NEK7: variants seen among roughly 807,000 people sequenced by gnomAD.
NEK7 encodes the protein NIMA related kinase 7.
NEK7 carries 18 observed loss-of-function variants against 44.6 expected under a neutral mutation model. The ratio of observed to expected loss-of-function variants is 0.40; its 90% CI spans 0.28 to 0.60. The LOEUF (loss-of-function observed/expected upper bound fraction) is 0.60. Among genes scored for constraint, NEK7 ranks in the 20% least tolerant of loss-of-function variants. The pLI, the probability that NEK7 is intolerant of heterozygous loss-of-function variation, is 0.38. For synonymous variants in NEK7, 130 were observed against 121.1 expected (o/e 1.07, Z -0.48); for missense variants, 256 against 366.5 (o/e 0.70, Z 2.46).
intron 9 of NEK7, among the ~76,000 whole-genome samples, chr1:198,308,488 C>T (rs1036288211): frequency 6.6e-6 from 1 of 152,168 alleles, no homozygotes; most frequent in African/African-American, 2.4e-5. Context: ...CTTCTGTTAT[C>T]CCATTTCAGA....
intron 1 of NEK7, among the ~76,000 whole-genome samples, chr1:198,182,925 T>C (rs1664810068): frequency 6.6e-6 from 1 of 152,096 alleles, no homozygotes; most frequent in African/African-American, 2.4e-5. Flanking sequence ...GAGTATACCA[T>C]AGTATAGGCC....
chr1:198,263,439 TAGAAAGA>T (rs1653546165), intron 4 of NEK7, among the ~76,000 whole-genome samples: 2 of 151,844 alleles, frequency 1.3e-5, no homozygotes, highest in Admixed American at 6.6e-5. Flanking sequence ...AAACTTTAAG[TAGAAAGA>T]AGAAAGTCAC....
chr1:198,178,465 C>A (rs975483566), intron 1 of NEK7, among the ~76,000 whole-genome samples: 1 of 151,988 alleles, frequency 6.6e-6, no homozygotes, highest in Non-Finnish European at 1.5e-5. Flanking sequence ...AGACTGTGTT[C>A]AACAGATTAC....
Position 198,274,568 on chromosome 1 carries a change from A to C in NEK7, c.373-3393A>C, listed in dbSNP as rs149781939. 1.1e-4 allele frequency among the ~76,000 whole-genome samples: 17 copies of C among 151,804 alleles called. No homozygotes were observed. In the East Asian group the frequency reaches 3.3e-3, roughly 29 times the overall value. On this transcript the variant is annotated intron_variant, in intron 5 of 9. Coordinates refer to ENST00000367385, the MANE Select transcript of NEK7 (RefSeq NM_133494.3). ...AGTAATTTTTTTGTAAAATAAGATCATTTTCTATCTTTCTCTGTTGATGAG... is the reference window on the plus strand; with the variant it reads ...AGTAATTTTTTTGTAAAATAAGATCCTTTTCTATCTTTCTCTGTTGATGAG...
At chr1:198,256,978 G>A (rs1653288598) in intron 3 of NEK7, among the ~76,000 whole-genome samples, 3 of 152,152 alleles carry the variant, frequency 2.0e-5, no homozygotes, top group Admixed American at 2.0e-4. Context: ...ACAGTAGTGT[G>A]AATTTTGGGT....
chr1:198,187,320 T>G (rs908103264), intron 1 of NEK7, among the ~76,000 whole-genome samples: 12 of 152,144 alleles, frequency 7.9e-5, no homozygotes, highest in Non-Finnish European at 1.6e-4. Flanking sequence ...GCATTGCTCC[T>G]GAGAATTTGA....
chr1:198,261,104 G>A (rs1189266217), intron 3 of NEK7, among the ~76,000 whole-genome samples: 1 of 151,820 alleles, frequency 6.6e-6, no homozygotes, highest in Admixed American at 6.6e-5. Context: ...TTTCTGACTG[G>A]CAGAATCCTA....
At chr1:198,258,129 G>A (rs950040948) in intron 3 of NEK7, among the ~76,000 whole-genome samples, 2 of 152,124 alleles carry the variant, frequency 1.3e-5, no homozygotes, top group Non-Finnish European at 2.9e-5. Flanking sequence ...GTCATCTGAA[G>A]GGTAGTGACA....
intron 8 of NEK7, 67 bp downstream of exon 8, chr1:198,293,106 AG>A: frequency 1.3e-6 from 1 of 788,386 alleles, no homozygotes; most frequent in Non-Finnish European, 2.1e-6. Context: ...CTATCCTTAT[AG>A]TATATACTTA....
intron 5 of NEK7, among the ~76,000 whole-genome samples, chr1:198,273,766 T>TAA (rs1385990910): frequency 1.3e-5 from 2 of 151,784 alleles, no homozygotes; most frequent in African/African-American, 2.4e-5. Context: ...ATATGAAGGA[T>TAA]AAGGCATACC....
chr1:198,249,066 G>A (rs1300066173), intron 2 of NEK7, among the ~76,000 whole-genome samples: 2 of 114,074 alleles, frequency 1.8e-5, no homozygotes, highest in Non-Finnish European at 1.6e-5. Context: ...ACAGTCCCCA[G>A]AGTGTGATGT....
chr1:198,233,900 G>T (rs1666474763), intron 2 of NEK7, among the ~76,000 whole-genome samples: 1 of 151,740 alleles, frequency 6.6e-6, no homozygotes, highest in South Asian at 2.1e-4. Context: ...TCTAAATCCT[G>T]CCCATCCTTT....
intron 1 of NEK7, among the ~76,000 whole-genome samples, chr1:198,202,454 A>G (rs1665460145): frequency 1.3e-5 from 2 of 152,210 alleles, no homozygotes; most frequent in South Asian, 4.1e-4. Flanking sequence ...TGCTGTATGC[A>G]CAGCCTCTCA....
intron 1 of NEK7, among the ~76,000 whole-genome samples, chr1:198,219,065 C>T (rs1463542763): frequency 6.6e-6 from 1 of 151,608 alleles, no homozygotes; most frequent in Non-Finnish European, 1.5e-5. Flanking sequence ...TGGGTGTCTA[C>T]CCAAAGAAAA....
At chr1:198,222,402 G>A (rs1034518405) in intron 1 of NEK7, among the ~76,000 whole-genome samples, 8 of 152,076 alleles carry the variant, frequency 5.3e-5, no homozygotes, top group African/African-American at 1.9e-4. Flanking sequence ...AAACTGTTCT[G>A]TATGGTTTTT....
At chr1:198,254,054 T>C (rs1466458039) in intron 3 of NEK7, among the ~76,000 whole-genome samples, 1 of 152,176 alleles carries the variant, frequency 6.6e-6, no homozygotes, top group Admixed American at 6.6e-5. Flanking sequence ...TGCAGATACC[T>C]GTGAAATCTA....
At chr1:198,199,190 G>A (rs1274045695) in intron 1 of NEK7, among the ~76,000 whole-genome samples, 1 of 152,226 alleles carries the variant, frequency 6.6e-6, no homozygotes, top group Non-Finnish European at 1.5e-5. Flanking sequence ...AAGCAAGATG[G>A]ATAGAAGAAC....
At chr1:198,254,338 G>A (rs1653178995) in intron 3 of NEK7, among the ~76,000 whole-genome samples, 2 of 151,852 alleles carry the variant, frequency 1.3e-5, no homozygotes, top group Non-Finnish European at 2.9e-5. Context: ...TCATTCCTTT[G>A]TTTTTCTTTA....
At chr1:198,286,687 A>G (rs1654381270) in intron 7 of NEK7, among the ~76,000 whole-genome samples, 1 of 152,186 alleles carries the variant, frequency 6.6e-6, no homozygotes, top group African/African-American at 2.4e-5. Flanking sequence ...GCTAACATCA[A>G]GGTATCTGTA....
Sources: allele counts gnomAD v4.1 joint callset (sites outside exome capture counted in the v4.1 genomes callset), GRCh38; gene constraint gnomAD v4.1.1; transcripts MANE v1.5; gene names NCBI Gene and HGNC (gene_info 2026-07-23, HGNC 2026-07-21).